CWC27: variants seen among roughly 807,000 people sequenced by gnomAD.
CWC27 encodes CWC27 spliceosome associated cyclophilin, also known as spliceosome-associated protein CWC27 homolog.
Under a neutral mutation model 63.6 loss-of-function variants are expected in CWC27, and 47 were observed. The observed-to-expected ratio is 0.74, with a 90% CI of 0.58 to 0.94. The LOEUF is 0.94. Ranked by LOEUF, CWC27 falls within the 40% of genes least tolerant of loss-of-function variation. The pLI, the probability that CWC27 is intolerant of heterozygous loss-of-function variation, is 0.00. For synonymous variants in CWC27, 175 were observed against 179.8 expected, an observed-to-expected ratio of 0.97 and a Z score of 0.22; for missense variants, 495 against 554.3, an observed-to-expected ratio of 0.89 and a Z score of 1.07.
intron 13 of CWC27, among the ~76,000 whole-genome samples, chr5:65,011,635 T>C (rs1371438894): frequency 6.6e-6 from 1 of 152,190 alleles, no homozygotes; most frequent in East Asian, 1.9e-4. Flanking sequence ...TTTCCTTGTG[T>C]AGACAATGGA....
intron 10 of CWC27, among the ~76,000 whole-genome samples, chr5:64,883,061 C>A (rs954678713): frequency 1.3e-5 from 2 of 152,174 alleles, no homozygotes; most frequent in African/African-American, 2.4e-5. Flanking sequence ...AGGAAACTTA[C>A]AATCATGGTG....
chr5:64,961,362 A>G (rs1233301418), intron 11 of CWC27, among the ~76,000 whole-genome samples: 1 of 152,094 alleles, frequency 6.6e-6, no homozygotes, highest in African/African-American at 2.4e-5. Flanking sequence ...TAGTAAACTG[A>G]TGGTTATAGT....
At position 64,811,849 on chromosome 5, in the gene CWC27, G is replaced by A. The variant is rs557097822; in HGVS notation, c.938+7463G>A. Among the ~76,000 whole-genome samples, 3 of 152,108 alleles carry A rather than the reference G, an allele frequency of 2.0e-5. No individual in the cohort carries two copies. The South Asian group carries it at 6.2e-4, about 32-fold the overall frequency. ...AATTGATTAAGCTCTAAATTGTGGAGCATGGGATAATAGAGTCATGTTTTC... is the reference window on the plus strand; with the variant it reads ...AATTGATTAAGCTCTAAATTGTGGAACATGGGATAATAGAGTCATGTTTTC... On this transcript the variant is annotated intron_variant, in intron 10 of 13. Coordinates refer to ENST00000381070, the MANE Select transcript of CWC27 (RefSeq NM_005869.4).
At chr5:64,907,019 G>T (rs1172246747) in intron 11 of CWC27, among the ~76,000 whole-genome samples, 4 of 152,108 alleles carry the variant, frequency 2.6e-5, no homozygotes, top group Non-Finnish European at 5.9e-5. Context: ...CTGTTCTATT[G>T]TTCTGTATAT....
intron 11 of CWC27, among the ~76,000 whole-genome samples, chr5:64,916,091 A>T (rs1047212096): frequency 6.6e-6 from 1 of 152,222 alleles, no homozygotes; most frequent in Non-Finnish European, 1.5e-5. Flanking sequence ...CTTTTATACA[A>T]CATCCAAATA....
At chr5:64,832,870 G>T (rs909598574) in intron 10 of CWC27, among the ~76,000 whole-genome samples, 2 of 151,686 alleles carry the variant, frequency 1.3e-5, no homozygotes, top group Non-Finnish European at 3.0e-5. Flanking sequence ...CTCTTGAAAT[G>T]ATTTCAGAGT....
chr5:64,967,536 C>T (rs1749041194), intron 11 of CWC27, among the ~76,000 whole-genome samples: 1 of 151,750 alleles, frequency 6.6e-6, no homozygotes, highest in South Asian at 2.1e-4. Flanking sequence ...TACTATAAAC[C>T]TGCAGTAATC....
chr5:64,976,216 C>T (rs138809122), intron 12 of CWC27, among the ~76,000 whole-genome samples: 5 of 152,138 alleles, frequency 3.3e-5, no homozygotes, highest in Non-Finnish European at 5.9e-5. Context: ...ACATCTTGTG[C>T]GTAAGCCATT....
intron 10 of CWC27, among the ~76,000 whole-genome samples, chr5:64,882,250 A>G (rs1746956780): frequency 6.6e-6 from 1 of 152,236 alleles, no homozygotes; most frequent in Non-Finnish European, 1.5e-5. Context: ...AGGGAAATTT[A>G]AAGTCTGGTC....
intron 11 of CWC27, among the ~76,000 whole-genome samples, chr5:64,957,158 C>T (rs1018779376): frequency 6.6e-6 from 1 of 152,042 alleles, no homozygotes; most frequent in African/African-American, 2.4e-5. Context: ...ACAATAGAAC[C>T]CTCCTTTAAG....
chr5:64,858,906 C>T (rs538493377), intron 10 of CWC27, among the ~76,000 whole-genome samples: 8 of 152,176 alleles, frequency 5.3e-5, no homozygotes, highest in Admixed American at 2.0e-4. Context: ...AAGTTTTTAT[C>T]GAAGATATGA....
At chr5:64,922,277 T>C (rs1748012859) in intron 11 of CWC27, among the ~76,000 whole-genome samples, 1 of 152,236 alleles carries the variant, frequency 6.6e-6, no homozygotes, top group East Asian at 1.9e-4. Context: ...CAATGAATTA[T>C]AGGTTTGGTG....
intron 11 of CWC27, among the ~76,000 whole-genome samples, chr5:64,933,300 C>T (rs17202541): frequency 0.017 from 2,661 of 152,252 alleles, 22 homozygotes; most frequent in Non-Finnish European, 0.025. Flanking sequence ...TTTAGAGAAA[C>T]TGACTTTCCA....
At chr5:64,922,230 A>G (rs1277918747) in intron 11 of CWC27, among the ~76,000 whole-genome samples, 2 of 152,240 alleles carry the variant, frequency 1.3e-5, no homozygotes, top group African/African-American at 2.4e-5. Flanking sequence ...TATGTTTTCC[A>G]TATTACTTAC....
intron 10 of CWC27, among the ~76,000 whole-genome samples, chr5:64,844,354 A>G (rs1212403652): frequency 3.9e-5 from 6 of 152,196 alleles, no homozygotes; most frequent in African/African-American, 1.4e-4. Context: ...ATGCCTGGTC[A>G]CAGATACCAG....
At chr5:64,866,386 T>C in intron 10 of CWC27, among the ~76,000 whole-genome samples, 1 of 152,074 alleles carries the variant, frequency 6.6e-6, no homozygotes, top group East Asian at 1.9e-4. Context: ...ACCAGGAAAG[T>C]ACTAGGCTAT....
intron 10 of CWC27, among the ~76,000 whole-genome samples, chr5:64,838,476 A>G (rs1248631723): frequency 1.3e-5 from 2 of 152,196 alleles, no homozygotes; most frequent in Admixed American, 6.6e-5. Context: ...TCACTATTCT[A>G]TAAGAGCTAA....
At position 64,838,294 on chromosome 5, in the gene CWC27, G is replaced by A. The variant is rs116693939; in HGVS notation, c.938+33908G>A. On this transcript the variant is annotated intron_variant, in intron 10 of 13. Coordinates refer to ENST00000381070, the MANE Select transcript of CWC27 (RefSeq NM_005869.4). ...TCCGATGTTTTTAGAAGTAAAGTCA[G>A]AGTTGAAACAGATGCAATATATCAG... Among the ~76,000 whole-genome samples the A allele has an allele frequency of 5.1e-3, 775 of 152,214 alleles. 4 individuals are homozygous for A. The highest frequency in any genetic ancestry group is 8.4e-3 in the Non-Finnish European group (569 of 67,996).
chr5:64,777,124 G>A (rs1580580774), intron 2 of CWC27, among the ~76,000 whole-genome samples: 1 of 152,100 alleles, frequency 6.6e-6, no homozygotes, highest in Non-Finnish European at 1.5e-5. Context: ...TTATAGACAA[G>A]TGGGGAGCAG....
Sources: allele counts gnomAD v4.1 joint callset (sites outside exome capture counted in the v4.1 genomes callset), GRCh38; gene constraint gnomAD v4.1.1; transcripts MANE v1.5; gene names NCBI Gene and HGNC (gene_info 2026-07-23, HGNC 2026-07-21).